Variants in ADSS1 observed in about 807,000 individuals in gnomAD.
The protein encoded by ADSS1 is adenylosuccinate synthetase isozyme 1.
ADSS1 carries 57 observed loss-of-function variants against 59.1 expected under a neutral mutation model. The ratio of observed to expected loss-of-function variants is 0.97; its 90% CI spans 0.78 to 1.20. The LOEUF is 1.20. Among genes scored for constraint, ADSS1 ranks in the 50% most tolerant of loss-of-function variants. ADSS1 has a pLI of 0.00. For synonymous variants in ADSS1, 247 were observed against 249.4 expected, an observed-to-expected ratio of 0.99 and a Z score of 0.09; for missense variants, 603 against 610.3, an observed-to-expected ratio of 0.99 and a Z score of 0.13.
At chr14:104,738,482 G>A in intron 3 of ADSS1, 44 bp downstream of exon 3, 19 of 1,603,184 alleles carry the variant, frequency 1.2e-5, no homozygotes, top group Non-Finnish European at 1.6e-5. Flanking sequence ...CAGACGCGGT[G>A]CCCTGAGCGG....
chr14:104,737,212 C>T (rs935128297), intron 2 of ADSS1: 4 of 151,970 alleles, frequency 2.6e-5, no homozygotes, highest in African/African-American at 7.3e-5. Flanking sequence ...TTTTTACTGT[C>T]CTAAAACCCC....
At chr14:104,743,238 C>A in intron 10 of ADSS1, 47 bp downstream of exon 10, 1 of 1,597,226 alleles carries the variant, frequency 6.3e-7, no homozygotes, top group Non-Finnish European at 8.5e-7. Flanking sequence ...CCCTGACTCC[C>A]GACACCTGCA....
chr14:104,727,683 C>T (rs1334371604), intron 1 of ADSS1, among the ~76,000 whole-genome samples: 2 of 152,202 alleles, frequency 1.3e-5, no homozygotes, highest in Non-Finnish European at 2.9e-5. Context: ...TCCTACCCCT[C>T]AAATGGGCAG....
Position 104,730,291 on chromosome 14 carries a change from C to T in ADSS1, c.193-4729C>T. Reference sequence around the variant, plus strand: ...AGCGGATCACTTAGGGTCAGGAGTTCAAGACCAGCCTGGCCAAGTGAAACC... The same window carrying T: ...AGCGGATCACTTAGGGTCAGGAGTTTAAGACCAGCCTGGCCAAGTGAAACC... On this transcript the variant is annotated intron_variant, in intron 1 of 12. Coordinates refer to ENST00000330877, the MANE Select transcript of ADSS1 (RefSeq NM_152328.5). 2.9e-6 allele frequency: 4 copies of T among 1,364,878 alleles called. No individual in the cohort carries two copies. The South Asian group carries it at 6.9e-5, about 24-fold the overall frequency. The allele number at this position is 1,364,878 out of a possible 1,614,324, so 84.5% of individuals were successfully genotyped here. A position where few individuals can be genotyped will look rare whatever the true frequency, so the allele number is the denominator to read the frequency against.
At chr14:104,743,490 C>T (rs1010355839) in intron 10 of ADSS1, 5 of 337,380 alleles carry the variant, frequency 1.5e-5, no homozygotes, top group Non-Finnish European at 2.9e-5. Context: ...GCGGAAGTAC[C>T]CAGGACGAAA....
rs753952847 is a variant in ADSS1, at chr14:104,735,020, G to C, written c.193G>C (p.Gly65Arg). The C allele has an allele frequency of 6.2e-7, 1 of 1,612,690 alleles. No individual in the cohort carries two copies. Among genetic ancestry groups the C allele is most frequent in the Non-Finnish European group, 8.5e-7 (1 of 1,179,008 alleles). The part of the protein sequence containing the change: ...TDADIISRCQ[G>R]GNNAGHTVVV... ...CAGCTCAGCCGGGTTTCTGTTCCAG[G>C]GGGGCAACAACGCCGGCCACACGGT... The change falls in exon 2 of 13, where the codon GGG becomes CGG. Residue 65 changes from glycine to arginine, a missense_variant and splice_region_variant. Coordinates refer to ENST00000330877, the MANE Select transcript of ADSS1 (RefSeq NM_152328.5).
intron 1 of ADSS1, among the ~76,000 whole-genome samples, chr14:104,730,973 G>T (rs1287455128): frequency 1.0e-5 from 1 of 100,272 alleles, no homozygotes. Context: ...GGGGGGGGGG[G>T]GCTCAGTGTC....
intron 2 of ADSS1, among the ~76,000 whole-genome samples, chr14:104,735,455 G>A (rs949809145): frequency 2.0e-5 from 3 of 152,342 alleles, no homozygotes; most frequent in Non-Finnish European, 2.9e-5. Context: ...GAGACCACAC[G>A]CCCATGTGCC....
At chr14:104,729,412 G>A (rs1037114072) in intron 1 of ADSS1, among the ~76,000 whole-genome samples, 3 of 152,208 alleles carry the variant, frequency 2.0e-5, no homozygotes, top group African/African-American at 4.8e-5. Context: ...TCTGGGCAGT[G>A]TGGAGGTGAG....
intron 1 of ADSS1, among the ~76,000 whole-genome samples, chr14:104,725,430 G>A (rs551746192): frequency 1.3e-4 from 20 of 152,276 alleles, no homozygotes; most frequent in South Asian, 6.2e-4. Flanking sequence ...TCCCTTCTCC[G>A]GGTTCTGTGG....
intron 2 of ADSS1, 69 bp downstream of exon 2, chr14:104,735,191 A>G (rs2140779968): frequency 2.9e-6 from 4 of 1,397,612 alleles, no homozygotes; most frequent in Non-Finnish European, 4.0e-6. Context: ...AGCCCCACGC[A>G]TGGGGGCACG....
intron 11 of ADSS1, chr14:104,745,599 G>A (rs1891525581): frequency 6.5e-6 from 1 of 152,806 alleles, no homozygotes; most frequent in African/African-American, 2.4e-5. Flanking sequence ...GGCTACAGGA[G>A]CCATGTGTGT....
chr14:104,733,099 G>A (rs1216206912), intron 1 of ADSS1, among the ~76,000 whole-genome samples: 2 of 151,568 alleles, frequency 1.3e-5, no homozygotes, highest in Non-Finnish European at 2.9e-5. Context: ...ACCCTGCCTT[G>A]GCGCCTGGCA....
chr14:104,725,237 A>C (rs1890685655), intron 1 of ADSS1, among the ~76,000 whole-genome samples: 1 of 151,946 alleles, frequency 6.6e-6, no homozygotes, highest in Non-Finnish European at 1.5e-5. Flanking sequence ...TGAGCTGCAC[A>C]CTGGGCACTC....
chr14:104,734,405 A>G (rs907938962), intron 1 of ADSS1, among the ~76,000 whole-genome samples: 1 of 152,180 alleles, frequency 6.6e-6, no homozygotes, highest in African/African-American at 2.4e-5. Flanking sequence ...AGTGGCATCC[A>G]GGGCGTGGCA....
At chr14:104,742,363 G>A (rs1891397291) in intron 9 of ADSS1, among the ~76,000 whole-genome samples, 1 of 152,264 alleles carries the variant, frequency 6.6e-6, no homozygotes, top group Admixed American at 6.5e-5. Context: ...GCTCAGAGAG[G>A]ACACTAAGCA....
At chr14:104,743,453 G>T in intron 10 of ADSS1, 1 of 450,580 alleles carries the variant, frequency 2.2e-6, no homozygotes, top group South Asian at 2.3e-5. Flanking sequence ...CGGCACTTGT[G>T]AGAGGTTAAA....
Position 104,739,483 on chromosome 14 carries a change from T to G in ADSS1, c.409+105T>G, listed in dbSNP as rs1366177926. ...CGAGATCAGGGAAGTCCCCAAGGCC[T>G]TCTTGCTCCACATGGCTCCATTAGC... On this transcript the variant is annotated intron_variant, in intron 4 of 12. Coordinates refer to ENST00000330877, the MANE Select transcript of ADSS1 (RefSeq NM_152328.5). The G allele has an allele frequency of 4.6e-6, 6 of 1,309,326 alleles. No homozygotes were observed. The Admixed American group carries it at 1.0e-4, about 22-fold the overall frequency. 81.1% of individuals were successfully genotyped at this position (1,309,326 alleles called of 1,614,324 possible).
In ADSS1 at chr14:104,747,073, C is replaced by T. The variant is rs1891593186; in HGVS notation, c.*70C>T. On this transcript the variant is annotated 3_prime_UTR_variant, in exon 13 of 13. Transcript: ENST00000330877. ...TTGTGTAAACAGCAGCAGTCACGTTCCTCGGCCGCCACAACCAACACCAAA... is the reference window on the plus strand; with the variant it reads ...TTGTGTAAACAGCAGCAGTCACGTTTCTCGGCCGCCACAACCAACACCAAA... 5.0e-6 allele frequency: 7 copies of T among 1,402,780 alleles called. No homozygotes were observed. Among genetic ancestry groups the T allele is most frequent in the African/African-American group, 1.4e-5 (1 of 70,488 alleles). 86.9% of individuals were successfully genotyped at this position (1,402,780 alleles called of 1,614,324 possible).
Sources: gnomAD v4.1 joint callset for allele counts (sites outside exome capture counted in the v4.1 genomes callset) on GRCh38, gnomAD v4.1.1 for gene constraint, MANE v1.5 for transcripts, NCBI Gene and HGNC (gene_info 2026-07-23, HGNC 2026-07-21) for gene names.